SRFBP1: variants seen among roughly 807,000 people sequenced by gnomAD.
SRFBP1 encodes the protein serum response factor binding protein 1.
Under a neutral mutation model 45.5 loss-of-function variants are expected in SRFBP1, and 47 were observed. The observed-to-expected ratio is 1.03, with a 90% CI of 0.82 to 1.32. The LOEUF (loss-of-function observed/expected upper bound fraction) is 1.32. Ranked by LOEUF, SRFBP1 falls within the 40% of genes most tolerant of loss-of-function variation. The pLI is 0.00. For missense variants in SRFBP1, 621 were observed against 484.6 expected, an observed-to-expected ratio of 1.28 and a Z score of -2.64; for synonymous variants, 203 against 166.3, an observed-to-expected ratio of 1.22 and a Z score of -1.70.
At chr5:121,968,190 G>T (rs1422496118) in intron 1 of SRFBP1, among the ~76,000 whole-genome samples, 1 of 150,944 alleles carries the variant, frequency 6.6e-6, no homozygotes, top group Non-Finnish European at 1.5e-5. Context: ...CCCAGTGTAT[G>T]CTTAAAACCT....
At chr5:122,026,832 T>G (rs1753491024) in intron 7 of SRFBP1, 110 bp from the exon 8 acceptor site, 2 of 772,748 alleles carry the variant, frequency 2.6e-6, no homozygotes, top group South Asian at 6.0e-5. Flanking sequence ...ATATTCCATT[T>G]AAGAAAACAA....
intron 4 of SRFBP1, among the ~76,000 whole-genome samples, chr5:122,010,991 A>G (rs1297203659): frequency 6.6e-6 from 1 of 152,102 alleles, no homozygotes; most frequent in Non-Finnish European, 1.5e-5. Context: ...AATTCTCGTG[A>G]TACAGCCAAA....
At chr5:122,036,875 A>G (rs539258162) in intron 2 of SRFBP1, among the ~76,000 whole-genome samples, 106 of 146,718 alleles carry the variant, frequency 7.2e-4, no homozygotes, top group Middle Eastern at 7.0e-3. Context: ...ATATAGCAGC[A>G]TTTTCTGACT....
chr5:121,997,108 C>G (rs1037795808), intron 4 of SRFBP1, among the ~76,000 whole-genome samples: 2 of 137,678 alleles, frequency 1.5e-5, no homozygotes, highest in South Asian at 5.0e-4. Context: ...TTTACAGATT[C>G]AATGCCATCC....
intron 3 of SRFBP1, among the ~76,000 whole-genome samples, chr5:121,982,552 ATG>A (rs1008652013): frequency 6.6e-6 from 1 of 151,952 alleles, no homozygotes; most frequent in Non-Finnish European, 1.5e-5. Context: ...ATAAGAACAT[ATG>A]TGAAAAATAA....
intron 2 of SRFBP1, among the ~76,000 whole-genome samples, chr5:122,051,086 C>T (rs1424634470): frequency 6.6e-6 from 1 of 152,060 alleles, no homozygotes; most frequent in Non-Finnish European, 1.5e-5. Context: ...GTATTGATTC[C>T]TATTTTTATT....
At chr5:121,974,810 A>G (rs1463904699) in intron 2 of SRFBP1, among the ~76,000 whole-genome samples, 1 of 151,876 alleles carries the variant, frequency 6.6e-6, no homozygotes, top group Non-Finnish European at 1.5e-5. Flanking sequence ...TTTTATTTAT[A>G]GTTCTTTTTA....
chr5:121,994,486 C>A, intron 3 of SRFBP1, 113 bp from the exon 4 acceptor site: 1 of 683,666 alleles, frequency 1.5e-6, no homozygotes, highest in African/African-American at 1.9e-5. Flanking sequence ...TAATTCTTTT[C>A]TCAAAATTAA....
At chr5:122,030,890 T>A (rs992629095), downstream of SRFBP1, among the ~76,000 whole-genome samples, 2 of 152,154 alleles carry the variant, frequency 1.3e-5, no homozygotes, top group Non-Finnish European at 2.9e-5. Context: ...AACTAAAAGA[T>A]AGGGACTTTG....
At chr5:121,992,713 GT>G (rs1752643212) in intron 3 of SRFBP1, among the ~76,000 whole-genome samples, 1 of 152,016 alleles carries the variant, frequency 6.6e-6, no homozygotes, top group South Asian at 2.1e-4. Flanking sequence ...ACTACAAATG[GT>G]TTTCCCTTTC....
rs375369455 is a variant in SRFBP1, at chr5:122,057,107, C to G, written n.312-18208C>G. 7.9e-5 allele frequency among the ~76,000 whole-genome samples: 12 copies of G among 152,290 alleles called. 1 individual carries two copies. Among genetic ancestry groups the G allele is most frequent in the African/African-American group, 2.9e-4 (12 of 41,572 alleles). ...TGCCAAGTGTCCTTAGCTTTCTTGT[C>G]TTTCCAGTAACCTCTTTGAAAATGT... On this transcript the variant is annotated intron_variant and non_coding_transcript_variant, in intron 2 of 2. Transcript: ENST00000504881.
At chr5:121,994,749 T>A (rs578225265) in intron 4 of SRFBP1, 79 bp downstream of exon 4, 1 of 941,038 alleles carries the variant, frequency 1.1e-6, no homozygotes, top group Admixed American at 2.8e-5. Flanking sequence ...AAGAGAAAAC[T>A]TACCAAGAAG....
chr5:122,042,373 C>T (rs776707557), intron 2 of SRFBP1, among the ~76,000 whole-genome samples: 17 of 152,098 alleles, frequency 1.1e-4, no homozygotes, highest in Middle Eastern at 3.4e-3. Context: ...TTCAAGCGAT[C>T]CTCCTACCTC....
chr5:122,073,641 A>C (rs539364913), intron 2 of SRFBP1, among the ~76,000 whole-genome samples: 1 of 152,324 alleles, frequency 6.6e-6, no homozygotes, highest in Admixed American at 6.5e-5. Context: ...TTCAGAGAGT[A>C]AATTTTTGTT....
chr5:122,052,999 C>T (rs1177910786), intron 2 of SRFBP1, among the ~76,000 whole-genome samples: 1 of 151,952 alleles, frequency 6.6e-6, no homozygotes, highest in East Asian at 1.9e-4. Flanking sequence ...TTCTAGTCAG[C>T]TCCTGGGCCT....
chr5:121,995,347 G>A (rs1490407703), intron 4 of SRFBP1, among the ~76,000 whole-genome samples: 4 of 152,072 alleles, frequency 2.6e-5, no homozygotes, highest in African/African-American at 4.8e-5. Flanking sequence ...ACTAGAACTC[G>A]GGATTAAGAA....
At chr5:122,065,540 A>G (rs1754275492) in intron 2 of SRFBP1, 1 of 151,968 alleles carries the variant, frequency 6.6e-6, no homozygotes, top group Non-Finnish European at 1.5e-5. Context: ...CAGAAAGTAT[A>G]TTTTTCCTTT....
At chr5:122,012,389 C>G (rs953831673) in intron 4 of SRFBP1, among the ~76,000 whole-genome samples, 1 of 152,016 alleles carries the variant, frequency 6.6e-6, no homozygotes, top group African/African-American at 2.4e-5. Flanking sequence ...ATGTCAAAGA[C>G]TTTCTTTAAA....
chr5:122,073,228 A>G (rs551590098), intron 2 of SRFBP1, among the ~76,000 whole-genome samples: 60 of 152,300 alleles, frequency 3.9e-4, no homozygotes, highest in Middle Eastern at 3.4e-3. Flanking sequence ...CCTTTTACAA[A>G]TTAGGGTTTC....
Sources: gnomAD v4.1 joint callset for allele counts (sites outside exome capture counted in the v4.1 genomes callset) on GRCh38, gnomAD v4.1.1 for gene constraint, MANE v1.5 for transcripts, NCBI Gene and HGNC (gene_info 2026-07-23, HGNC 2026-07-21) for gene names.